BMP2K: variants seen among roughly 807,000 people sequenced by gnomAD.
The protein encoded by BMP2K is BMP2 inducible kinase, also known as BMP-2-inducible protein kinase.
BMP2K carries 74 observed loss-of-function variants against 116.0 expected under a neutral mutation model. That is an observed-to-expected ratio of 0.64 (90% CI 0.53 to 0.77). BMP2K has a LOEUF of 0.77. Among genes scored for constraint, BMP2K ranks in the 30% least tolerant of loss-of-function variants. The probability of loss-of-function intolerance (pLI) is 0.00; values close to 1 mark genes in which losing one functional copy is unlikely to be tolerated. For synonymous variants in BMP2K, 486 were observed against 502.5 expected (o/e 0.97, Z 0.44); for missense variants, 1,365 against 1,403.6 (o/e 0.97, Z 0.44).
At chr4:78,897,583 A>T (rs1225124572) in intron 15 of BMP2K, among the ~76,000 whole-genome samples, 1 of 152,168 alleles carries the variant, frequency 6.6e-6, no homozygotes, top group African/African-American at 2.4e-5. Context: ...TCTAATATTT[A>T]TACCTGTTAA....
intron 8 of BMP2K, chr4:78,860,002 A>C (rs1346897305): frequency 1.9e-6 from 1 of 540,288 alleles, no homozygotes. Context: ...CAGTTTAATA[A>C]ACAGGACTGT....
chr4:78,792,417 C>T (rs955107069), intron 1 of BMP2K, among the ~76,000 whole-genome samples: 2 of 152,164 alleles, frequency 1.3e-5, no homozygotes, highest in African/African-American at 4.8e-5. Context: ...CATAGAATAT[C>T]GTCTTTACTG....
At chr4:78,812,441 C>T (rs1729137121) in intron 1 of BMP2K, among the ~76,000 whole-genome samples, 2 of 152,182 alleles carry the variant, frequency 1.3e-5, no homozygotes, top group Admixed American at 1.3e-4. Context: ...TCACCAATTT[C>T]ACATCTCCTA....
chr4:78,833,988 C>A (rs1456762268), intron 3 of BMP2K, among the ~76,000 whole-genome samples: 1 of 152,080 alleles, frequency 6.6e-6, no homozygotes, highest in Non-Finnish European at 1.5e-5. Context: ...TGTAATCCAA[C>A]CAAGAAGAGG....
chr4:78,798,872 G>A (rs927781589), intron 1 of BMP2K, among the ~76,000 whole-genome samples: 2 of 152,232 alleles, frequency 1.3e-5, no homozygotes, highest in African/African-American at 4.8e-5. Context: ...CTGGGTATCA[G>A]TGCTTTTAAG....
chr4:78,835,814 C>T (rs1041418634), intron 3 of BMP2K, among the ~76,000 whole-genome samples: 5 of 151,838 alleles, frequency 3.3e-5, no homozygotes, highest in Admixed American at 6.6e-5. Context: ...CTTAAGGGTA[C>T]AAAAGAGAAA....
intron 1 of BMP2K, among the ~76,000 whole-genome samples, chr4:78,785,894 C>A (rs1016743246): frequency 2.6e-5 from 4 of 152,148 alleles, no homozygotes; most frequent in Non-Finnish European, 5.9e-5. Context: ...CTAAAATGGA[C>A]TTATGCTCAT....
Position 78,778,847 on chromosome 4 carries a change from AG to A in BMP2K, c.178+2127del, listed in dbSNP as rs576261358. On this transcript the variant is annotated intron_variant, in intron 1 of 15. Coordinates refer to ENST00000502613, the MANE Select transcript of BMP2K (RefSeq NM_198892.2). ...CTTGTGAAAATGCATTCAAGTTTAG[AG>A]TACTTGATTTGGGGAGAGGGATACC... 9.8e-5 allele frequency among the ~76,000 whole-genome samples: 15 copies of A among 152,348 alleles called. No homozygotes were observed. In the East Asian group the frequency reaches 2.7e-3, roughly 27 times the overall value.
At chr4:78,872,832 A>G (rs1732437526) in intron 13 of BMP2K, 34 bp downstream of exon 13, 2 of 1,589,016 alleles carry the variant, frequency 1.3e-6, no homozygotes, top group East Asian at 4.5e-5. Context: ...AAAGGAAATT[A>G]TTGTGGAAGT....
At chr4:78,875,498 A>G (rs1276580988) in intron 13 of BMP2K, among the ~76,000 whole-genome samples, 1 of 152,214 alleles carries the variant, frequency 6.6e-6, no homozygotes, top group Admixed American at 6.5e-5. Flanking sequence ...AACATCATCT[A>G]TGCATACGTT....
At chr4:78,832,302 T>A (rs1235509214) in intron 2 of BMP2K, among the ~76,000 whole-genome samples, 2 of 152,176 alleles carry the variant, frequency 1.3e-5, no homozygotes, top group African/African-American at 4.8e-5. Context: ...AGGAAAGTAT[T>A]TTTCCGCATT....
In BMP2K at chr4:78,844,964, G is replaced by A; in HGVS notation, c.583G>A (p.Val195Ile). The change falls in exon 5 of 16, where the codon GTA (valine) becomes ATA (isoleucine). Residue 195 changes from valine (V) to isoleucine (I), a missense_variant. Val to Ile is a conservative substitution (Grantham distance 29). Around this residue, in one of 3 missense-constraint regions of BMP2K, gnomAD observed 762 missense variants for 756.7 expected, o/e 1.01. Coordinates refer to ENST00000502613, the MANE Select transcript of BMP2K (RefSeq NM_198892.2). ...NILLNDGGNY[V>I]LCDFGSATNK... Reference sequence around the variant, plus strand: ...TTTGTTGAATGATGGTGGGAACTATGTACTTTGTGACTTTGGCAGTGCCAC... The same window carrying A: ...TTTGTTGAATGATGGTGGGAACTATATACTTTGTGACTTTGGCAGTGCCAC... The A allele has an allele frequency of 6.3e-7, 1 of 1,599,644 alleles. No homozygotes were observed.
chr4:78,781,890 G>C (rs1322920006), intron 1 of BMP2K, among the ~76,000 whole-genome samples: 2 of 152,272 alleles, frequency 1.3e-5, no homozygotes, highest in Admixed American at 6.5e-5. Flanking sequence ...GAAGGTGCTA[G>C]AGAGGTATGA....
chr4:78,826,141 G>A lies in BMP2K; in HGVS notation c.283G>A (p.Glu95Lys). 6.2e-7 allele frequency: 1 copy of A among 1,611,238 alleles called. No individual in the cohort carries two copies. Residue 95 changes from glutamate to lysine, a missense_variant, in exon 2 of 16, where the codon GAA becomes AAA. Glu to Lys is a moderately conservative substitution (Grantham distance 56). Around this residue, in one of 3 missense-constraint regions of BMP2K, gnomAD observed 762 missense variants for 756.7 expected, o/e 1.01. Coordinates refer to ENST00000502613, the MANE Select transcript of BMP2K (RefSeq NM_198892.2). ...NMPDLNVCKR[E>K]ITIMKELSGH... ...GCCAGACCTCAATGTTTGTAAAAGG[G>A]AAATTACAATTATGGTAAGTGAAGG...
chr4:78,787,406 G>A (rs910059505), intron 1 of BMP2K, among the ~76,000 whole-genome samples: 22 of 152,112 alleles, frequency 1.4e-4, no homozygotes, highest in Non-Finnish European at 2.5e-4. Flanking sequence ...TTTGTTTTGT[G>A]GGTACTGCAT....
At position 78,864,397 on chromosome 4, in the gene BMP2K, C is replaced by T. The variant is rs566103403; in HGVS notation, c.1068-1160C>T. 7.3e-5 allele frequency among the ~76,000 whole-genome samples: 11 copies of T among 150,530 alleles called. No individual in the cohort carries two copies. In the South Asian group the frequency reaches 8.4e-4, roughly 12 times the overall value. ...TAATTGATTACATATATATATACAC[C>T]GATATATATATCGGTGTATATATAT... is the stretch of plus-strand genomic sequence containing the variant. On this transcript the variant is annotated intron_variant, in intron 9 of 15. Coordinates refer to ENST00000502613, the MANE Select transcript of BMP2K (RefSeq NM_198892.2).
At chr4:78,836,951 G>T (rs1249085954) in intron 3 of BMP2K, among the ~76,000 whole-genome samples, 1 of 152,040 alleles carries the variant, frequency 6.6e-6, no homozygotes, top group African/African-American at 2.4e-5. Context: ...AGATATACGT[G>T]CCTTACTGTG....
chr4:78,862,107 G>A (rs1349643496), intron 9 of BMP2K, among the ~76,000 whole-genome samples: 1 of 151,868 alleles, frequency 6.6e-6, no homozygotes, highest in Admixed American at 6.6e-5. Flanking sequence ...CTACATTTGG[G>A]GAGATTTCTT....
intron 15 of BMP2K, among the ~76,000 whole-genome samples, chr4:78,903,522 T>C (rs1356506215): frequency 3.9e-5 from 6 of 151,924 alleles, no homozygotes; most frequent in African/African-American, 1.4e-4. Flanking sequence ...ATAAAATGAA[T>C]TATGTTAACA....
Sources: gnomAD v4.1 joint callset for allele counts (sites outside exome capture counted in the v4.1 genomes callset) on GRCh38, gnomAD v4.1.1 for gene constraint, gnomAD v4.1.1 regional missense constraint, MANE v1.5 for transcripts, NCBI Gene and HGNC (gene_info 2026-07-23, HGNC 2026-07-21) for gene names.